Variants in ZFHX3 observed in about 807,000 individuals in gnomAD.
The protein encoded by ZFHX3 is zinc finger homeobox 3.
ZFHX3 carries 42 observed loss-of-function variants against 279.1 expected under a neutral mutation model. The observed-to-expected ratio is 0.15, with a 90% confidence interval of 0.12 to 0.19. The LOEUF (loss-of-function observed/expected upper bound fraction) is 0.19, where lower values mean the gene tolerates loss of function less well. Ranked by LOEUF, ZFHX3 falls within the 10% of genes least tolerant of loss-of-function variation. ZFHX3 has a pLI of 1.00. For missense variants in ZFHX3, 4,981 were observed against 4,754.0 expected, an observed-to-expected ratio of 1.05 and a Z score of -1.40; for synonymous variants, 2,293 against 1,957.8, an observed-to-expected ratio of 1.17 and a Z score of -4.52.
In ZFHX3 at chr16:73,462,355, G is replaced by A. The variant is rs550776447; in HGVS notation, c.-1546-6097C>T. Among the ~76,000 whole-genome samples the A allele has an allele frequency of 1.7e-4, 26 of 152,090 alleles. No individual in the cohort carries two copies. The East Asian group carries it at 5.0e-3, about 29-fold the overall frequency. On this transcript the variant is annotated intron_variant, in intron 2 of 17. Coordinates refer to the ZFHX3 transcript ENST00000641206. ...TTCAATGTTGACAATTATGTATTTT[G>A]CAAATAAAAATACTTCTTTTTCTTC...
Position 73,152,780 on chromosome 16 carries a change from C to G in ZFHX3, c.-1103-8949G>C, listed in dbSNP as rs1344455615. Among the ~76,000 whole-genome samples, 6 of 131,516 alleles carry G rather than the reference C, an allele frequency of 4.6e-5. No homozygotes were observed. In the East Asian group the frequency reaches 1.4e-3, roughly 31 times the overall value. The allele number at this position is 131,516 out of a possible 152,430, so 86.3% of individuals were successfully genotyped here. A position where few individuals can be genotyped will look rare whatever the true frequency, so the allele number is the denominator to read the frequency against. ...TTGCTTAAAAAAAAAAAAAAAAGCC[C>G]TGGCCTGGGCTACCGGGGTGAGGAG... On this transcript the variant is annotated intron_variant, in intron 5 of 17. Coordinates refer to the ZFHX3 transcript ENST00000641206.
chr16:73,847,866 T>C (rs912057274), intron 1 of ZFHX3, among the ~76,000 whole-genome samples: 1 of 150,588 alleles, frequency 6.6e-6, no homozygotes, highest in African/African-American at 2.4e-5. Context: ...GCCTCCCGAG[T>C]AGCTGGGAGT....
At chr16:72,887,740 A>G (rs888655364) in intron 4 of ZFHX3, among the ~76,000 whole-genome samples, 4 of 149,620 alleles carry the variant, frequency 2.7e-5, no homozygotes, top group Non-Finnish European at 5.9e-5. Context: ...TGGGTGTAGT[A>G]TATGGCTTGT....
At chr16:73,372,062 A>C (rs995635225) in intron 3 of ZFHX3, among the ~76,000 whole-genome samples, 1 of 152,244 alleles carries the variant, frequency 6.6e-6, no homozygotes, top group Admixed American at 6.5e-5. Flanking sequence ...TTCAGAGTCC[A>C]TAAAAGTCTA....
chr16:73,272,230 G>A (rs2014166894), intron 4 of ZFHX3, among the ~76,000 whole-genome samples: 1 of 152,200 alleles, frequency 6.6e-6, no homozygotes, highest in Non-Finnish European at 1.5e-5. Context: ...GCATGTGATA[G>A]TGACAGTAGG....
rs914099561 is a variant in ZFHX3 at position 72,877,387 on chromosome 16, C to T, written c.3448+12344G>A. Among the ~76,000 whole-genome samples, 9 of 151,250 alleles carry T rather than the reference C, an allele frequency of 6.0e-5. No homozygotes were observed. The South Asian group carries it at 1.7e-3, about 28-fold the overall frequency. On this transcript the variant is annotated intron_variant, in intron 4 of 9. Coordinates refer to ENST00000268489, the MANE Select transcript of ZFHX3 (RefSeq NM_006885.4). ...GTTGTTGTTGTTGGTGTTGTTGTTA[C>T]AATATCTAATAGTGAGATCAAATTC...
intron 3 of ZFHX3, among the ~76,000 whole-genome samples, chr16:72,926,901 A>G (rs1184377731): frequency 6.6e-6 from 1 of 152,180 alleles, no homozygotes; most frequent in Non-Finnish European, 1.5e-5. Flanking sequence ...CTACACACAA[A>G]GGATTACCAA....
intron 1 of ZFHX3, among the ~76,000 whole-genome samples, chr16:73,758,217 C>T (rs1330604847): frequency 4.0e-5 from 6 of 148,970 alleles, no homozygotes; most frequent in Non-Finnish European, 7.4e-5. Context: ...ATGGTGGGAA[C>T]TGAAATGTTA....
chr16:72,809,477 G>C (rs1006969761), intron 7 of ZFHX3: 1 of 152,174 alleles, frequency 6.6e-6, no homozygotes, highest in African/African-American at 2.4e-5. Context: ...CACTTACAGA[G>C]AATCTTTACA....
chr16:73,697,328 TAA>T (rs2053206867), intron 1 of ZFHX3, among the ~76,000 whole-genome samples: 1 of 151,618 alleles, frequency 6.6e-6, no homozygotes, highest in Non-Finnish European at 1.5e-5. Flanking sequence ...TTTTTGAAAA[TAA>T]AGAGTTTTGT....
At position 72,812,045 on chromosome 16, in the gene ZFHX3, G is replaced by C. The variant is rs2143597870; in HGVS notation, c.3530-7C>G. ...TCTGCTTGGCTGGACGATGCTAAAA[G>C]AGAAAGTAGAAGATGCAATACAGCA... On this transcript the variant is annotated splice_region_variant and splice_polypyrimidine_tract_variant and intron_variant, in intron 5 of 9. Transcript: ENST00000268489. 1 of 1,613,864 alleles carries C rather than the reference G, an allele frequency of 6.2e-7. No individual in the cohort carries two copies. The highest frequency in any genetic ancestry group is 1.1e-5 in the South Asian group (1 of 91,046).
intron 1 of ZFHX3, among the ~76,000 whole-genome samples, chr16:73,739,985 C>G (rs998802809): frequency 5.3e-5 from 8 of 152,134 alleles, no homozygotes; most frequent in African/African-American, 1.9e-4. Flanking sequence ...ATTTCCTCCT[C>G]CCAGTCCCTC....
At position 73,844,715 on chromosome 16, in the gene ZFHX3, C is replaced by A. The variant is rs139535168; in HGVS notation, c.-1608+46936G>T. On this transcript the variant is annotated intron_variant, in intron 1 of 17. Transcript: ENST00000641206. ...ATAGAGAGAGATCAGATAAGTTAGG[C>A]AGACATGTAGATGATAGGTAGATGG... Among the ~76,000 whole-genome samples, 5 of 151,450 alleles carry A rather than the reference C, an allele frequency of 3.3e-5. No individual in the cohort carries two copies. The East Asian group carries it at 7.8e-4, about 24-fold the overall frequency.
At chr16:73,640,441 A>T (rs1262687591) in intron 2 of ZFHX3, among the ~76,000 whole-genome samples, 1 of 152,182 alleles carries the variant, frequency 6.6e-6, no homozygotes, top group Non-Finnish European at 1.5e-5. Context: ...GAAAGAACTC[A>T]GTCAAAAACA....
intron 1 of ZFHX3, among the ~76,000 whole-genome samples, chr16:73,024,408 G>T (rs925715242): frequency 2.0e-5 from 3 of 152,080 alleles, no homozygotes; most frequent in Non-Finnish European, 4.4e-5. Context: ...CCTTCCCCCA[G>T]CCACGGGCAG....
chr16:73,145,764 C>T (rs1350906822), intron 5 of ZFHX3, among the ~76,000 whole-genome samples: 2 of 152,190 alleles, frequency 1.3e-5, no homozygotes, highest in Non-Finnish European at 2.9e-5. Flanking sequence ...AGGCACCAAC[C>T]TCGTATTGTC....
At chr16:73,135,277 T>C (rs1399433500) in intron 6 of ZFHX3, among the ~76,000 whole-genome samples, 3 of 152,154 alleles carry the variant, frequency 2.0e-5, no homozygotes, top group Non-Finnish European at 4.4e-5. Flanking sequence ...AACCCTTGCC[T>C]AGCTCAGTAC....
chr16:72,910,702 C>G (rs2039294822), intron 3 of ZFHX3, among the ~76,000 whole-genome samples: 2 of 152,076 alleles, frequency 1.3e-5, no homozygotes, highest in African/African-American at 4.8e-5. Context: ...CTTCATAACC[C>G]TCGGGAGTTT....
At chr16:73,075,759 G>A (rs192395232) in intron 8 of ZFHX3, among the ~76,000 whole-genome samples, 24 of 151,570 alleles carry the variant, frequency 1.6e-4, no homozygotes, top group Admixed American at 1.1e-3. Context: ...TCAGCCTCCC[G>A]AGTAACTGGG....
Sources: allele counts gnomAD v4.1 joint callset (sites outside exome capture counted in the v4.1 genomes callset), GRCh38; gene constraint gnomAD v4.1.1; transcripts MANE v1.5; gene names NCBI Gene and HGNC (gene_info 2026-07-23, HGNC 2026-07-21).